Variants in PLGRKT observed in about 807,000 individuals in gnomAD.
The protein encoded by PLGRKT is plasminogen receptor with a C-terminal lysine.
Under a neutral mutation model 18.5 loss-of-function variants are expected in PLGRKT, and 22 were observed. That is an observed-to-expected ratio of 1.19 (90% CI 0.85 to 1.70). The LOEUF (loss-of-function observed/expected upper bound fraction) is 1.70. Among genes scored for constraint, PLGRKT ranks in the 40% most tolerant of loss-of-function variants. The pLI, the probability that PLGRKT is intolerant of heterozygous loss-of-function variation, is 0.00. For synonymous variants in PLGRKT, 72 were observed against 52.8 expected, an observed-to-expected ratio of 1.36 and a Z score of -1.58; for missense variants, 235 against 174.4, an observed-to-expected ratio of 1.35 and a Z score of -1.96.
chr9:5,367,280 T>G (rs1353726536), intron 3 of PLGRKT, among the ~76,000 whole-genome samples: 2 of 151,884 alleles, frequency 1.3e-5, no homozygotes, highest in African/African-American at 4.8e-5. Flanking sequence ...AAAGTCCAAA[T>G]AGATAAAGCA....
chr9:5,397,383 C>A (rs1417503675), intron 3 of PLGRKT, among the ~76,000 whole-genome samples: 1 of 152,034 alleles, frequency 6.6e-6, no homozygotes, highest in East Asian at 1.9e-4. Flanking sequence ...TAGCACTTAG[C>A]TCGATTTACA....
At chr9:5,371,444 G>A (rs766899094) in intron 3 of PLGRKT, among the ~76,000 whole-genome samples, 1 of 152,150 alleles carries the variant, frequency 6.6e-6, no homozygotes, top group African/African-American at 2.4e-5. Flanking sequence ...TCATGACAGC[G>A]AATAACTCTC....
chr9:5,401,711 A>G (rs1456896602), intron 3 of PLGRKT, among the ~76,000 whole-genome samples: 1 of 152,024 alleles, frequency 6.6e-6, no homozygotes, highest in African/African-American at 2.4e-5. Flanking sequence ...TCAAAAGCCA[A>G]TATCACCTTA....
At chr9:5,372,042 C>T (rs556551224) in intron 3 of PLGRKT, among the ~76,000 whole-genome samples, 20 of 132,670 alleles carry the variant, frequency 1.5e-4, no homozygotes, top group Admixed American at 3.5e-4. Flanking sequence ...AGTGCAGTGG[C>T]GCGATATTGG....
At chr9:5,395,908 T>C (rs926346503) in intron 3 of PLGRKT, among the ~76,000 whole-genome samples, 7 of 133,302 alleles carry the variant, frequency 5.3e-5, no homozygotes, top group African/African-American at 1.9e-4. Flanking sequence ...TTTTTTTTTT[T>C]CCTGAGACAG....
At chr9:5,419,914 T>C (rs1818541967) in intron 3 of PLGRKT, among the ~76,000 whole-genome samples, 1 of 152,150 alleles carries the variant, frequency 6.6e-6, no homozygotes, top group East Asian at 1.9e-4. Context: ...AAACAAAAAC[T>C]GGTATAAGAA....
chr9:5,418,529 C>T lies in PLGRKT; in HGVS notation c.81+13368G>A. 1 of 966,804 alleles carries T rather than the reference C, an allele frequency of 1.0e-6. No individual in the cohort carries two copies. Among genetic ancestry groups the T allele is most frequent in the East Asian group, 2.6e-5 (1 of 38,338 alleles). 59.9% of individuals were successfully genotyped at this position (966,804 alleles called of 1,614,324 possible). ...CCCCGCCTGTCCTGCTCCTCCTCCG[C>T]CACCCCCTGGGGAGCCCTGCCTTGC... is the stretch of plus-strand genomic sequence containing the variant. On this transcript the variant is annotated intron_variant, in intron 3 of 5. Transcript: ENST00000223864. The surrounding 1 kb of genome is among the most constrained non-coding windows in gnomAD (Gnocchi z 4.2).
chr9:5,403,769 C>T (rs1229000617), intron 3 of PLGRKT, among the ~76,000 whole-genome samples: 1 of 152,200 alleles, frequency 6.6e-6, no homozygotes, highest in Non-Finnish European at 1.5e-5. Flanking sequence ...TTAATGGTTA[C>T]AGATAAATCA....
At chr9:5,413,818 A>C (rs1168707048) in intron 3 of PLGRKT, among the ~76,000 whole-genome samples, 1 of 152,240 alleles carries the variant, frequency 6.6e-6, no homozygotes, top group African/African-American at 2.4e-5. Flanking sequence ...CATTTGAATA[A>C]ATTTTGATAT....
chr9:5,376,641 ACAT>A (rs925958905), intron 3 of PLGRKT, among the ~76,000 whole-genome samples: 8 of 152,054 alleles, frequency 5.3e-5, no homozygotes, highest in Non-Finnish European at 2.9e-5. Flanking sequence ...CTCCTTATCA[ACAT>A]CATCATCATC....
intron 2 of PLGRKT, among the ~76,000 whole-genome samples, chr9:5,432,388 C>G (rs1405729233): frequency 2.6e-5 from 4 of 152,218 alleles, no homozygotes; most frequent in Non-Finnish European, 5.9e-5. Flanking sequence ...GGCAACAGAA[C>G]CTTTGCATCT....
intron 3 of PLGRKT, chr9:5,392,769 A>G (rs1428131805): frequency 6.6e-6 from 1 of 151,872 alleles, no homozygotes; most frequent in Non-Finnish European, 1.5e-5. Flanking sequence ...ATTAACTACT[A>G]TGAGTATTTT....
intron 3 of PLGRKT, among the ~76,000 whole-genome samples, chr9:5,364,968 A>T (rs887830800): frequency 6.6e-6 from 1 of 152,232 alleles, no homozygotes; most frequent in African/African-American, 2.4e-5. Flanking sequence ...GCATATCTAT[A>T]TGCATGCATA....
intron 3 of PLGRKT, among the ~76,000 whole-genome samples, chr9:5,404,018 G>A (rs1387490309): frequency 2.6e-5 from 4 of 152,082 alleles, no homozygotes; most frequent in Admixed American, 6.5e-5. Flanking sequence ...AAATAAACTA[G>A]AAAATCTAGA....
chr9:5,417,299 C>G (rs1818480873), intron 3 of PLGRKT, among the ~76,000 whole-genome samples: 1 of 152,078 alleles, frequency 6.6e-6, no homozygotes, highest in Non-Finnish European at 1.5e-5. Flanking sequence ...AAAGAATGGA[C>G]CTCATACCAA....
chr9:5,431,065 G>T (rs904594757), intron 3 of PLGRKT, among the ~76,000 whole-genome samples: 1 of 152,114 alleles, frequency 6.6e-6, no homozygotes, highest in African/African-American at 2.4e-5. Flanking sequence ...GTCCAAAATG[G>T]GCTGGCAGGA....
intron 3 of PLGRKT, among the ~76,000 whole-genome samples, chr9:5,397,479 A>G (rs894657188): frequency 1.3e-5 from 2 of 151,788 alleles, no homozygotes; most frequent in Non-Finnish European, 2.9e-5. Flanking sequence ...CTGTATCCCA[A>G]TCACCTTAGA....
intron 3 of PLGRKT, among the ~76,000 whole-genome samples, chr9:5,365,942 G>C (rs560664021): frequency 6.6e-6 from 1 of 152,200 alleles, no homozygotes; most frequent in Non-Finnish European, 1.5e-5. Flanking sequence ...AATCAGCAAG[G>C]TTGTGTATCT....
Position 5,371,986 on chromosome 9 carries a change from C to CTTTTT in PLGRKT, c.82-10103_82-10099dup, listed in dbSNP as rs71326158. 1.5e-4 allele frequency among the ~76,000 whole-genome samples: 13 copies of CTTTTT among 89,148 alleles called. 1 individual carries two copies. The highest frequency in any genetic ancestry group is 2.8e-4 in the Admixed American group (2 of 7,132). The allele number at this position is 89,148 out of a possible 152,430, so 58.5% of individuals were successfully genotyped here. On this transcript the variant is annotated intron_variant, in intron 3 of 5. Transcript: ENST00000223864. ...CTGCAAAAAACAATATCAGAAAATC[C>CTTTTT]TTTTTTTTTTTTTGATATGGAGTCT...
Sources: allele counts gnomAD v4.1 joint callset (sites outside exome capture counted in the v4.1 genomes callset), GRCh38; gene constraint gnomAD v4.1.1; non-coding constraint Gnocchi (gnomAD v3.1); transcripts MANE v1.5; gene names NCBI Gene and HGNC (gene_info 2026-07-23, HGNC 2026-07-21).